Variants in RNF150 observed in about 807,000 individuals in gnomAD.
RNF150 encodes the protein ring finger protein 150.
In RNF150, 24 loss-of-function variants were observed where a neutral mutation model predicts 39.3. The ratio of observed to expected loss-of-function variants is 0.61; its 90% CI spans 0.44 to 0.86. The LOEUF is 0.86. Ranked by LOEUF, RNF150 falls within the 40% of genes least tolerant of loss-of-function variation. The pLI, the probability that RNF150 is intolerant of heterozygous loss-of-function variation, is 0.00. For synonymous variants in RNF150, 255 were observed against 227.3 expected, an observed-to-expected ratio of 1.12 and a Z score of -1.10; for missense variants, 502 against 587.8, an observed-to-expected ratio of 0.85 and a Z score of 1.51.
intron 1 of RNF150, among the ~76,000 whole-genome samples, chr4:141,010,047 A>G (rs554042964): frequency 6.6e-6 from 1 of 152,352 alleles, no homozygotes; most frequent in East Asian, 1.9e-4. Flanking sequence ...AATTACTCTT[A>G]AGTGCTTAAA....
intron 1 of RNF150, among the ~76,000 whole-genome samples, chr4:141,034,499 T>C (rs1007158264): frequency 2.6e-5 from 4 of 152,172 alleles, no homozygotes; most frequent in Admixed American, 2.6e-4. Flanking sequence ...CTGAAGAACT[T>C]TCCCCTTGCA....
intron 6 of RNF150, among the ~76,000 whole-genome samples, chr4:140,890,335 A>G (rs1729715444): frequency 6.6e-6 from 1 of 152,172 alleles, no homozygotes; most frequent in Non-Finnish European, 1.5e-5. Context: ...AATATGCTAT[A>G]GTTTATTCGT....
At chr4:140,883,795 ACTT>A (rs1168666492) in intron 6 of RNF150, among the ~76,000 whole-genome samples, 1 of 152,110 alleles carries the variant, frequency 6.6e-6, no homozygotes, top group Non-Finnish European at 1.5e-5. Flanking sequence ...AGCTCACTGA[ACTT>A]CTTGAATTTA....
At chr4:141,030,151 G>A (rs1022617183) in intron 1 of RNF150, among the ~76,000 whole-genome samples, 6 of 151,380 alleles carry the variant, frequency 4.0e-5, no homozygotes, top group South Asian at 2.1e-4. Context: ...CCAAGATCAC[G>A]CCACTGCACT....
intron 5 of RNF150, among the ~76,000 whole-genome samples, chr4:140,914,861 C>T (rs937537342): frequency 6.6e-6 from 1 of 152,178 alleles, no homozygotes; most frequent in African/African-American, 2.4e-5. Flanking sequence ...GTAGAGAAAT[C>T]ACTTACAAAA....
At chr4:141,094,018 C>T (rs568763071) in intron 1 of RNF150, among the ~76,000 whole-genome samples, 1 of 152,064 alleles carries the variant, frequency 6.6e-6, no homozygotes, top group Admixed American at 6.6e-5. Context: ...CATGGACAGG[C>T]TCAACAGATG....
At chr4:140,943,246 A>T (rs1297345156) in intron 4 of RNF150, among the ~76,000 whole-genome samples, 1 of 152,230 alleles carries the variant, frequency 6.6e-6, no homozygotes, top group Non-Finnish European at 1.5e-5. Context: ...TAATCTAAAA[A>T]AGACCCCCAA....
At chr4:141,116,209 T>C (rs943745526) in intron 1 of RNF150, among the ~76,000 whole-genome samples, 3 of 152,152 alleles carry the variant, frequency 2.0e-5, no homozygotes, top group Non-Finnish European at 4.4e-5. Context: ...ACAGGCAACC[T>C]ACAAAATGGG....
At chr4:141,032,215 T>A (rs953558030) in intron 1 of RNF150, among the ~76,000 whole-genome samples, 1 of 152,038 alleles carries the variant, frequency 6.6e-6, no homozygotes, top group Non-Finnish European at 1.5e-5. Flanking sequence ...TTCATTTATA[T>A]GTAGAATCTA....
intron 1 of RNF150, among the ~76,000 whole-genome samples, chr4:141,032,625 T>C (rs1160014824): frequency 8.5e-5 from 13 of 152,048 alleles, no homozygotes. Context: ...AAAAAGAATC[T>C]TCTGGACCCC....
intron 1 of RNF150, among the ~76,000 whole-genome samples, chr4:141,210,647 T>A (rs1728448520): frequency 6.6e-6 from 1 of 152,158 alleles, no homozygotes; most frequent in South Asian, 2.1e-4. Context: ...GCCCCATTGT[T>A]TTTTTTAAAG....
At chr4:141,080,541 C>G (rs1391334472) in intron 1 of RNF150, among the ~76,000 whole-genome samples, 1 of 152,150 alleles carries the variant, frequency 6.6e-6, no homozygotes, top group African/African-American at 2.4e-5. Flanking sequence ...CCTTATTTTT[C>G]TCAAATATAT....
At chr4:140,939,831 G>A (rs1004964524) in intron 4 of RNF150, among the ~76,000 whole-genome samples, 6 of 152,150 alleles carry the variant, frequency 3.9e-5, no homozygotes, top group African/African-American at 1.4e-4. Flanking sequence ...ACCTACCTGA[G>A]AAACAGGCAG....
At chr4:140,875,940 G>GCA in intron 6 of RNF150, among the ~76,000 whole-genome samples, 1 of 152,124 alleles carries the variant, frequency 6.6e-6, no homozygotes, top group East Asian at 1.9e-4. Context: ...TAGCAGGCTG[G>GCA]CATAAGTCCT....
chr4:141,187,343 G>A (rs926846521), intron 1 of RNF150, among the ~76,000 whole-genome samples: 5 of 152,202 alleles, frequency 3.3e-5, no homozygotes, highest in African/African-American at 1.2e-4. Context: ...TTGGGGTGGA[G>A]AGTTCTGTAG....
rs377337760 is a variant in RNF150, at chr4:140,880,528, G to A, written c.1199-12149C>T. 2.5e-4 allele frequency among the ~76,000 whole-genome samples: 38 copies of A among 149,882 alleles called. 1 individual carries two copies. The South Asian group carries it at 7.8e-3, about 31-fold the overall frequency. On this transcript the variant is annotated intron_variant, in intron 6 of 6. Coordinates refer to ENST00000515673, the MANE Select transcript of RNF150 (RefSeq NM_020724.2). ...ACAGGCCTCATAAAATAGTTTAGAA[G>A]TGTCCCCTCCTCTCCAGTCTTTTTT...
chr4:141,192,030 C>A (rs940399892), intron 1 of RNF150, among the ~76,000 whole-genome samples: 5 of 152,176 alleles, frequency 3.3e-5, no homozygotes, highest in Non-Finnish European at 5.9e-5. Context: ...TGGGCTTTCT[C>A]CCTTTTCTGG....
Position 141,099,948 on chromosome 4 carries a change from T to C in RNF150, c.484+32377A>G, listed in dbSNP as rs565729398. On this transcript the variant is annotated intron_variant, in intron 1 of 6. Transcript: ENST00000515673. ...TTAGTAGGGTATTTGGTTTGGAGTG[T>C]GTGTGTACCTGTCTCTGAAAGCTGA... 2.6e-3 allele frequency among the ~76,000 whole-genome samples: 390 copies of C among 152,322 alleles called. 1 individual carries two copies. Among genetic ancestry groups the C allele is most frequent in the Non-Finnish European group, 4.6e-3 (312 of 68,026 alleles).
intron 1 of RNF150, among the ~76,000 whole-genome samples, chr4:141,146,621 T>A (rs1727204394): frequency 6.6e-6 from 1 of 151,934 alleles, no homozygotes; most frequent in South Asian, 2.1e-4. Context: ...TTGAAGAGTT[T>A]AAAAAAAAGA....
Sources: gnomAD v4.1 joint callset for allele counts (sites outside exome capture counted in the v4.1 genomes callset) on GRCh38, gnomAD v4.1.1 for gene constraint, MANE v1.5 for transcripts, NCBI Gene and HGNC (gene_info 2026-07-23, HGNC 2026-07-21) for gene names.